IQCE: variants seen among roughly 807,000 people sequenced by gnomAD.
IQCE encodes the protein IQ motif containing E, also known as IQ domain-containing protein E.
Under a neutral mutation model 96.0 loss-of-function variants are expected in IQCE, and 115 were observed. The observed-to-expected ratio is 1.20, with a 90% CI of 1.03 to 1.40. IQCE has a LOEUF of 1.40. Among genes scored for constraint, IQCE ranks in the 40% most tolerant of loss-of-function variants. The probability of loss-of-function intolerance (pLI) is 0.00; values close to 1 mark genes in which losing one functional copy is unlikely to be tolerated. For missense variants in IQCE, 1,041 were observed against 909.1 expected (o/e 1.15, Z -1.87); for synonymous variants, 412 against 371.2 (o/e 1.11, Z -1.26).
In IQCE at chr7:2,599,869, C is replaced by T. The variant is rs561690948; in HGVS notation, c.1608+1237C>T. Among the ~76,000 whole-genome samples the T allele has an allele frequency of 3.3e-5, 5 of 152,070 alleles. No individual in the cohort carries two copies. In the East Asian group the frequency reaches 7.7e-4, roughly 23 times the overall value. On this transcript the variant is annotated intron_variant, in intron 17 of 21. Coordinates refer to ENST00000402050, the MANE Select transcript of IQCE (RefSeq NM_152558.5). The stretch of plus-strand genomic sequence containing the variant: ...AGTGCAGTGGCGGGATCTCAGCTCA[C>T]TGCAACCTCCGCCTCCCAGGTTCAA...
At chr7:2,596,861 A>G (rs1784076114) in intron 16 of IQCE, 1 of 420,976 alleles carries the variant, frequency 2.4e-6, no homozygotes, top group Non-Finnish European at 5.0e-6. Flanking sequence ...GTGGAAGCCA[A>G]GGGCCGGAAT....
chr7:2,575,631 T>G (rs1782064911), intron 6 of IQCE, among the ~76,000 whole-genome samples: 1 of 152,188 alleles, frequency 6.6e-6, no homozygotes, highest in Non-Finnish European at 1.5e-5. Flanking sequence ...TGTGGTGTTT[T>G]CCGTGGTCTG....
intron 9 of IQCE, 65 bp downstream of exon 9, chr7:2,582,715 C>A: frequency 7.0e-7 from 1 of 1,429,070 alleles, no homozygotes; most frequent in Non-Finnish European, 9.8e-7. Context: ...CAGACGCCCG[C>A]CTTTGTTCCT....
Position 2,597,194 on chromosome 7 carries a change from T to G in IQCE, c.1441-1271T>G, listed in dbSNP as rs1437331008. 1.7e-5 allele frequency: 8 copies of G among 461,526 alleles called. No homozygotes were observed. In the East Asian group the frequency reaches 5.6e-4, roughly 32 times the overall value. The allele number at this position is 461,526 out of a possible 1,614,324, so 28.6% of individuals were successfully genotyped here. A position where few individuals can be genotyped will look rare whatever the true frequency, so the allele number is the denominator to read the frequency against. ...AAGCTTGAAGAATTTCAGCAGGATC[T>G]GGGCCACAGGGTGGTCTTCAGCTGT... On this transcript the variant is annotated intron_variant, in intron 16 of 21. Coordinates refer to ENST00000402050, the MANE Select transcript of IQCE (RefSeq NM_152558.5).
At chr7:2,595,242 CG>C (rs1315111444) in intron 16 of IQCE, among the ~76,000 whole-genome samples, 1 of 152,136 alleles carries the variant, frequency 6.6e-6, no homozygotes, top group African/African-American at 2.4e-5. Flanking sequence ...CTTGGTCATG[CG>C]GAGGGTGTAG....
intron 21 of IQCE, chr7:2,607,621 A>G: frequency 9.5e-7 from 1 of 1,057,896 alleles, no homozygotes; most frequent in Non-Finnish European, 1.2e-6. Flanking sequence ...GCAGGATGCC[A>G]CACCCTGGTG....
intron 21 of IQCE, 152 bp from the exon 22 acceptor site, chr7:2,609,892 C>T (rs1053091217): frequency 3.4e-6 from 2 of 594,448 alleles, no homozygotes; most frequent in African/African-American, 1.9e-5. Context: ...GTGTGAGTTG[C>T]TCCTGAGGGC....
chr7:2,583,246 G>A (rs1782817112), intron 9 of IQCE, among the ~76,000 whole-genome samples: 1 of 152,214 alleles, frequency 6.6e-6, no homozygotes, highest in South Asian at 2.1e-4. Context: ...CAGTGCCAGG[G>A]AAAAGTGATT....
At chr7:2,593,433 A>G (rs967791696) in intron 15 of IQCE, among the ~76,000 whole-genome samples, 2 of 152,222 alleles carry the variant, frequency 1.3e-5, no homozygotes, top group Non-Finnish European at 2.9e-5. Flanking sequence ...TGTGGGCCAC[A>G]TCCTTAAGAG....
At chr7:2,601,224 C>G (rs1323489514) in intron 17 of IQCE, among the ~76,000 whole-genome samples, 7 of 152,192 alleles carry the variant, frequency 4.6e-5, no homozygotes, top group Non-Finnish European at 1.5e-5. Context: ...TCATGTGACT[C>G]CTGGAGAATT....
intron 13 of IQCE, among the ~76,000 whole-genome samples, chr7:2,588,167 G>A (rs545826102): frequency 3.3e-5 from 5 of 152,274 alleles, no homozygotes; most frequent in South Asian, 2.1e-4. Context: ...TGCACTGCCC[G>A]CTGATGACCA....
In IQCE at chr7:2,598,584, C is replaced by T. The variant is rs761339664; in HGVS notation, c.1560C>T (p.Asp520=). The part of the protein sequence containing the change: ...PRSPCSDGRR[D]AAARVLQAQW... ...CCCCCTGCTCTGATGGGAGAAGAGA[C>T]GCCGCGGCCAGAGTCCTGCAGGCCC... Residue 520 remains aspartate, a synonymous_variant, in exon 17 of 22, where the codon GAC becomes GAT. Transcript: ENST00000402050. 3.5e-5 allele frequency: 56 copies of T among 1,602,566 alleles called. No homozygotes were observed. The highest frequency in any genetic ancestry group is 4.5e-5 in the Non-Finnish European group (53 of 1,175,094).
rs543698789 is a variant in IQCE at position 2,611,139 on chromosome 7, TGGGCC to T, written c.*982_*986del. ...TGGGCTGGGCTGGGCTGGGCTGGGC[TGGGCC>T]GGGCGTGCGGAGCCTGTGGAGCCAG... is the stretch of plus-strand genomic sequence containing the variant. On this transcript the variant is annotated 3_prime_UTR_variant, in exon 22 of 22. Transcript: ENST00000402050. The T allele has an allele frequency of 0.12, 16,365 of 137,316 alleles. 1,222 individuals are homozygous for T. Among genetic ancestry groups the T allele is most frequent in the Non-Finnish European group, 0.15 (9,803 of 63,712 alleles). The allele number at this position is 137,316 out of a possible 1,614,324, so 8.5% of individuals were successfully genotyped here. A position where few individuals can be genotyped will look rare whatever the true frequency, so the allele number is the denominator to read the frequency against.
chr7:2,573,439 T>C lies in IQCE; in HGVS notation c.416T>C (p.Val139Ala), dbSNP rs1424854862. ...ASNGHVPGTP[V>A]YREKEDMYDE... is the part of the protein sequence containing the mutation. ...CTAGGTCATGTCCCTGGGACTCCTG[T>C]CTACAGAGAAAAAGAAGATATGTAT... Residue 139 changes from valine (V) to alanine (A), a missense_variant, in exon 6 of 22, where the codon GTC becomes GCC. By Grantham distance (64) the Val-to-Ala change is moderately conservative. Transcript: ENST00000402050. 5 of 1,530,022 alleles carry C rather than the reference T, an allele frequency of 3.3e-6. No individual in the cohort carries two copies. In the African/African-American group the frequency reaches 6.8e-5, roughly 21 times the overall value. 94.8% of individuals were successfully genotyped at this position (1,530,022 alleles called of 1,614,324 possible).
rs191770546 is a variant in IQCE at position 2,572,717 on chromosome 7, C to T, written c.394+391C>T. On this transcript the variant is annotated intron_variant, in intron 5 of 21. Coordinates refer to ENST00000402050, the MANE Select transcript of IQCE (RefSeq NM_152558.5). ...CTGTGTTTATGTTCCTGCCTAGTCTCTTTTTTTTTAGAGACGGAATCTCGC... is the reference window on the plus strand; with the variant it reads ...CTGTGTTTATGTTCCTGCCTAGTCTTTTTTTTTTTAGAGACGGAATCTCGC... 1,217 of 446,824 alleles carry T rather than the reference C, an allele frequency of 2.7e-3. 11 individuals carry two copies. Among genetic ancestry groups the T allele is most frequent in the African/African-American group, 0.016 (784 of 49,370 alleles). The allele number at this position is 446,824 out of a possible 1,614,324, so 27.7% of individuals were successfully genotyped here.
intron 1 of IQCE, among the ~76,000 whole-genome samples, chr7:2,561,304 T>G (rs1780936095): frequency 6.6e-6 from 1 of 152,228 alleles, no homozygotes; most frequent in Non-Finnish European, 1.5e-5. Context: ...TATTTTTCAA[T>G]GTACAAAGCC....
Position 2,610,496 on chromosome 7 carries a change from C to CA in IQCE, c.*335dup, listed in dbSNP as rs540861479. ...CTCTGACAGCACCTTGCCGCCTGCC[C>CA]ACGACCTTGACCGTGAGGAGCTGCT... On this transcript the variant is annotated 3_prime_UTR_variant, in exon 22 of 22. Coordinates refer to ENST00000402050, the MANE Select transcript of IQCE (RefSeq NM_152558.5). 109 of 241,982 alleles carry CA rather than the reference C, an allele frequency of 4.5e-4. No individual in the cohort carries two copies. The highest frequency in any genetic ancestry group is 2.3e-3 in the African/African-American group (102 of 43,952). The allele number at this position is 241,982 out of a possible 1,614,324, so 15.0% of individuals were successfully genotyped here.
At chr7:2,567,030 G>T in intron 1 of IQCE, 86 bp from the exon 2 acceptor site, 2 of 1,092,398 alleles carry the variant, frequency 1.8e-6, no homozygotes, top group South Asian at 1.3e-5. Context: ...AGCAGCTGTG[G>T]ACGGGCTGTT....
Position 2,594,961 on chromosome 7 carries a change from G to A in IQCE, c.1425G>A (p.Pro475=), listed in dbSNP as rs184407101. ...EMKKEEKEDC[P]EVPHKAQELP... is the part of the protein sequence containing the mutation. ...AGAAAGAAGAGAAAGAGGATTGCCC[G>A]GAAGTTCCTCATAAGGTACAGTGAC... is the stretch of plus-strand genomic sequence containing the variant. Residue 475 remains proline, a synonymous_variant, in exon 16 of 22, where the codon CCG becomes CCA. Transcript: ENST00000402050. 408 of 1,612,196 alleles carry A rather than the reference G, an allele frequency of 2.5e-4. 2 individuals are homozygous for A. The African/African-American group carries it at 3.0e-3, about 12-fold the overall frequency.
Sources: allele counts gnomAD v4.1 joint callset (sites outside exome capture counted in the v4.1 genomes callset), GRCh38; gene constraint gnomAD v4.1.1; transcripts MANE v1.5; gene names NCBI Gene and HGNC (gene_info 2026-07-23, HGNC 2026-07-21).